Variants in PITPNM3 observed in about 807,000 individuals in gnomAD.
The protein encoded by PITPNM3 is PITPNM family member 3.
A neutral mutation model predicts 102.0 loss-of-function variants in PITPNM3; 26 were observed. The observed-to-expected ratio is 0.25, with a 90% CI of 0.19 to 0.35. The LOEUF (loss-of-function observed/expected upper bound fraction) is 0.35, where lower values mean the gene tolerates loss of function less well. Among genes scored for constraint, PITPNM3 ranks in the 10% least tolerant of loss-of-function variants. The pLI is 1.00. For missense variants in PITPNM3, 1,083 were observed against 1,346.1 expected (o/e 0.80, Z 3.06); for synonymous variants, 578 against 558.6 (o/e 1.03, Z -0.49).
chr17:6,495,615 G>C (rs1906758181), intron 4 of PITPNM3, among the ~76,000 whole-genome samples: 1 of 152,130 alleles, frequency 6.6e-6, no homozygotes, highest in Non-Finnish European at 1.5e-5. Context: ...CTGGGTTCTG[G>C]GGTCCTCGTG....
At chr17:6,509,146 T>C (rs1201764589) in intron 3 of PITPNM3, among the ~76,000 whole-genome samples, 1 of 152,190 alleles carries the variant, frequency 6.6e-6, no homozygotes, top group Non-Finnish European at 1.5e-5. Flanking sequence ...ATCTTGCCTG[T>C]CCTGAACTCA....
In PITPNM3 at chr17:6,458,300, C is replaced by A. The variant is rs1351721654; in HGVS notation, c.2491-578G>T. The stretch of plus-strand genomic sequence containing the variant: ...GATAAACCCGATCAAACTACCTCCT[C>A]CTGTGAGGTGCTCGCCACCCAGCTG... On this transcript the variant is annotated intron_variant, in intron 18 of 19. Coordinates refer to ENST00000262483, the MANE Select transcript of PITPNM3 (RefSeq NM_031220.4). This position sits in a 1 kb window ranked among gnomAD's most constrained non-coding sequence, Gnocchi z 5.1. Among the ~76,000 whole-genome samples, 1 of 152,118 alleles carries A rather than the reference C, an allele frequency of 6.6e-6. No homozygotes were observed. The highest frequency in any genetic ancestry group is 1.9e-4 in the East Asian group (1 of 5,176).
At chr17:6,539,525 C>T (rs1018604712) in intron 1 of PITPNM3, among the ~76,000 whole-genome samples, 1 of 151,860 alleles carries the variant, frequency 6.6e-6, no homozygotes, top group African/African-American at 2.4e-5. Flanking sequence ...GATACAAGAT[C>T]GACATGCAAA....
Position 6,537,970 on chromosome 17 carries a change from G to T in PITPNM3, c.118+17C>A. The T allele has an allele frequency of 6.3e-7, 1 of 1,599,120 alleles. No individual in the cohort carries two copies. The highest frequency in any genetic ancestry group is 1.1e-5 in the South Asian group (1 of 90,544). ...GAAGGTCACCCAGCCAGTGATATGAGACTGGGGTTCACTCACCTCTGGCAT... is the reference window on the plus strand; with the variant it reads ...GAAGGTCACCCAGCCAGTGATATGATACTGGGGTTCACTCACCTCTGGCAT... On this transcript the variant is annotated intron_variant, in intron 2 of 19. Transcript: ENST00000262483. This position sits in a 1 kb window ranked among gnomAD's most constrained non-coding sequence, Gnocchi z 4.4.
intron 8 of PITPNM3, among the ~76,000 whole-genome samples, chr17:6,477,545 C>G (rs969743570): frequency 3.9e-5 from 6 of 152,044 alleles, no homozygotes; most frequent in African/African-American, 1.4e-4. Context: ...TCTTCTTCTT[C>G]TTCTTTTTTT....
Position 6,461,424 on chromosome 17 carries a change from C to T in PITPNM3, c.2439G>A (p.Val813=), listed in dbSNP as rs1279044659. 6.2e-7 allele frequency: 1 copy of T among 1,614,164 alleles called. No individual in the cohort carries two copies. The highest frequency in any genetic ancestry group is 1.7e-5 in the Admixed American group (1 of 60,034). The change falls in exon 18 of 20, where the codon GTG becomes GTA. Residue 813 remains valine (V), a synonymous_variant. Transcript: ENST00000262483. ...TGGCCTTCTGCCGCAGCGGGTCATG[C>T]ACCAGCCCATCGGAGAAGAAGATCA... The part of the protein sequence containing the change: ...QGMIFFSDGL[V]HDPLRQKAIF...
At position 6,468,337 on chromosome 17, in the gene PITPNM3, A is replaced by G. The variant is rs755871223; in HGVS notation, c.1778T>C (p.Met593Thr). ...CTTGATGTTCACGCTCTCATAGCGC[A>G]TTACCTAGCCAAGAGCCGAGCAGGG... ...DVVAFILRQV[M>T]RYESVNIKES... The change falls in exon 14 of 20, where the codon ATG (methionine) becomes ACG (threonine). Residue 593 changes from methionine to threonine, a missense_variant. Around this residue, in one of 5 missense-constraint regions of PITPNM3, gnomAD observed 410 missense variants for 638.4 expected, o/e 0.64. Transcript: ENST00000262483. The surrounding 1 kb of genome is among the most constrained non-coding windows in gnomAD (Gnocchi z 5.2). The G allele has an allele frequency of 3.7e-6, 6 of 1,614,086 alleles. No homozygotes were observed. The Admixed American group carries it at 8.3e-5, about 22-fold the overall frequency.
At position 6,538,100 on chromosome 17, in the gene PITPNM3, T is replaced by A; in HGVS notation, c.23-18A>T. On this transcript the variant is annotated intron_variant, in intron 1 of 19. Transcript: ENST00000262483. ...AGGACCACCTGTTAAAGGGAACACA[T>A]CTGTTAACCAAGCCTGAGATGTTGT... is the stretch of plus-strand genomic sequence containing the variant. The A allele has an allele frequency of 6.4e-7, 1 of 1,568,144 alleles. No individual in the cohort carries two copies. Among genetic ancestry groups the A allele is most frequent in the Non-Finnish European group, 8.8e-7 (1 of 1,138,656 alleles).
intron 8 of PITPNM3, among the ~76,000 whole-genome samples, chr17:6,477,634 C>T (rs765781861): frequency 3.9e-5 from 6 of 152,216 alleles, no homozygotes; most frequent in Non-Finnish European, 7.3e-5. Flanking sequence ...CAAACTCCAC[C>T]TCCTGGGTTC....
chr17:6,493,273 T>C (rs1276500237), intron 4 of PITPNM3, among the ~76,000 whole-genome samples: 2 of 152,180 alleles, frequency 1.3e-5, no homozygotes, highest in African/African-American at 4.8e-5. Context: ...CAGGCCCTGC[T>C]GAGGGTATGT....
chr17:6,527,428 C>T (rs1270596782), intron 2 of PITPNM3, among the ~76,000 whole-genome samples: 2 of 152,090 alleles, frequency 1.3e-5, no homozygotes, highest in East Asian at 3.9e-4. Flanking sequence ...TAAGAGTGCC[C>T]CACACACAGT....
chr17:6,452,746 TA>T lies in PITPNM3; in HGVS notation c.*2591del, dbSNP rs901258935. On this transcript the variant is annotated 3_prime_UTR_variant, in exon 20 of 20. Transcript: ENST00000262483. ...TTGTTGCGTTCACAATATCTCACCGTACACCATCAGCATCTTGTGTGTGCAT... is the reference window on the plus strand; with the variant it reads ...TTGTTGCGTTCACAATATCTCACCGTCACCATCAGCATCTTGTGTGTGCAT... 48 of 152,354 alleles carry T rather than the reference TA, an allele frequency of 3.2e-4. No homozygotes were observed. The highest frequency in any genetic ancestry group is 1.0e-3 in the African/African-American group (43 of 41,582). 9.4% of individuals were successfully genotyped at this position (152,354 alleles called of 1,614,324 possible).
In PITPNM3 at chr17:6,465,014, T is replaced by C. The variant is rs113393038; in HGVS notation, c.1891-243A>G. Among the ~76,000 whole-genome samples, 313 of 152,280 alleles carry C rather than the reference T, an allele frequency of 2.1e-3. 2 individuals carry two copies. The highest frequency in any genetic ancestry group is 6.3e-3 in the African/African-American group (263 of 41,554). ...TCCTGCCATTGTACGTTTTCTGCTTTCGTGTTTTTTGTTTGATTGATTGTT... is the reference window on the plus strand; with the variant it reads ...TCCTGCCATTGTACGTTTTCTGCTTCCGTGTTTTTTGTTTGATTGATTGTT... On this transcript the variant is annotated intron_variant, in intron 14 of 19. Coordinates refer to ENST00000262483, the MANE Select transcript of PITPNM3 (RefSeq NM_031220.4).
Position 6,506,940 on chromosome 17 carries a change from C to G in PITPNM3, c.227-3366G>C, listed in dbSNP as rs2137795. ...GAGTATTGCAACCTCCATGCTGAAA[C>G]GCACTAGTTGAGTGAGAGGTTTTTT... is the stretch of plus-strand genomic sequence containing the variant. On this transcript the variant is annotated intron_variant, in intron 3 of 19. Transcript: ENST00000262483. Among the ~76,000 whole-genome samples, 15 of 152,346 alleles carry G rather than the reference C, an allele frequency of 9.8e-5. No homozygotes were observed. In the South Asian group the frequency reaches 2.5e-3, roughly 25 times the overall value.
chr17:6,464,428 G>T, intron 15 of PITPNM3, 110 bp from the exon 16 acceptor site: 1 of 1,253,782 alleles, frequency 8.0e-7, no homozygotes, highest in Non-Finnish European at 1.1e-6. Context: ...GACATTCCCT[G>T]GCTCCTGCCA....
intron 4 of PITPNM3, among the ~76,000 whole-genome samples, chr17:6,487,410 A>T (rs1906162449): frequency 6.6e-6 from 1 of 152,070 alleles, no homozygotes; most frequent in South Asian, 2.1e-4. Context: ...TATCCAGGGG[A>T]CATCCAGGGC....
chr17:6,514,645 A>G (rs894972176), intron 3 of PITPNM3, among the ~76,000 whole-genome samples: 9 of 152,250 alleles, frequency 5.9e-5, no homozygotes, highest in Non-Finnish European at 1.2e-4. Context: ...ACCTTTTTAC[A>G]TTACTGGTGG....
At chr17:6,480,419 C>T (rs1905593431) in intron 6 of PITPNM3, 1 of 152,320 alleles carries the variant, frequency 6.6e-6, no homozygotes, top group Non-Finnish European at 1.5e-5. Context: ...CTTTGGCCCT[C>T]CCCGCACTGA....
chr17:6,465,265 C>T (rs968554873), intron 14 of PITPNM3, among the ~76,000 whole-genome samples: 1 of 152,126 alleles, frequency 6.6e-6, no homozygotes. Context: ...AGGCTGGTCT[C>T]GAACTCCCGA....
Sources: gnomAD v4.1 joint callset for allele counts (sites outside exome capture counted in the v4.1 genomes callset) on GRCh38, gnomAD v4.1.1 for gene constraint, gnomAD v4.1.1 regional missense constraint, Gnocchi (gnomAD v3.1) non-coding constraint, MANE v1.5 for transcripts, NCBI Gene and HGNC (gene_info 2026-07-23, HGNC 2026-07-21) for gene names.